FRMD3: variants seen among roughly 807,000 people sequenced by gnomAD.
FRMD3 encodes FERM domain containing 3.
A neutral mutation model predicts 70.2 loss-of-function variants in FRMD3; 33 were observed. That is an observed-to-expected ratio of 0.47 (90% CI 0.36 to 0.63). FRMD3 has a LOEUF of 0.63. FRMD3 is among the 20% of genes least tolerant of loss of function. The pLI is 0.00. For synonymous variants in FRMD3, 279 were observed against 255.9 expected, an observed-to-expected ratio of 1.09 and a Z score of -0.86; for missense variants, 632 against 711.4, an observed-to-expected ratio of 0.89 and a Z score of 1.27.
chr9:83,431,710 C>T (rs1269660241), intron 1 of FRMD3, among the ~76,000 whole-genome samples: 1 of 152,072 alleles, frequency 6.6e-6, no homozygotes, highest in Non-Finnish European at 1.5e-5. Context: ...ACCATGAGGC[C>T]CTTTTTAACT....
intron 1 of FRMD3, among the ~76,000 whole-genome samples, chr9:83,416,448 G>A (rs894629121): frequency 1.3e-5 from 2 of 152,110 alleles, no homozygotes; most frequent in Non-Finnish European, 2.9e-5. Context: ...TAATAACCTC[G>A]TATATTTATC....
At chr9:83,505,608 G>A (rs1434986983) in intron 1 of FRMD3, among the ~76,000 whole-genome samples, 1 of 152,138 alleles carries the variant, frequency 6.6e-6, no homozygotes, top group Non-Finnish European at 1.5e-5. Flanking sequence ...CTGGCCTGCA[G>A]GTTCAGCACA....
intron 1 of FRMD3, among the ~76,000 whole-genome samples, chr9:83,399,506 G>A (rs1056251317): frequency 1.6e-5 from 2 of 127,486 alleles, no homozygotes; most frequent in African/African-American, 5.7e-5. Context: ...TCTTCTTCTT[G>A]TTCCAGATTT....
Position 83,349,820 on chromosome 9 carries a change from C to G in FRMD3, c.296-63G>C. The stretch of plus-strand genomic sequence containing the variant: ...AAAAGACCATGGCCTCAAACACACA[C>G]GGGAAAGGCAGCCGTGCAGCCTGAC... On this transcript the variant is annotated intron_variant, in intron 3 of 13. Transcript: ENST00000304195. The G allele has an allele frequency of 3.9e-6, 5 of 1,266,800 alleles. No homozygotes were observed. The East Asian group carries it at 1.2e-4, about 31-fold the overall frequency. 78.5% of individuals were successfully genotyped at this position (1,266,800 alleles called of 1,614,324 possible).
At chr9:83,375,234 G>A (rs1367260051) in intron 2 of FRMD3, among the ~76,000 whole-genome samples, 1 of 152,178 alleles carries the variant, frequency 6.6e-6, no homozygotes, top group Non-Finnish European at 1.5e-5. Flanking sequence ...GAGGAGACAG[G>A]GAACATGTAA....
intron 2 of FRMD3, among the ~76,000 whole-genome samples, chr9:83,377,498 TG>T (rs142786553): frequency 0.013 from 1,939 of 152,242 alleles, 32 homozygotes; most frequent in African/African-American, 0.044. Context: ...TGGGGCCTGA[TG>T]GGGAGTGATT....
At position 83,267,971 on chromosome 9, in the gene FRMD3, A is replaced by G. The variant is rs532288915; in HGVS notation, c.1196-19455T>C. Among the ~76,000 whole-genome samples, 3 of 152,296 alleles carry G rather than the reference A, an allele frequency of 2.0e-5. No homozygotes were observed. The East Asian group carries it at 5.8e-4, about 29-fold the overall frequency. On this transcript the variant is annotated intron_variant, in intron 13 of 13. Transcript: ENST00000304195. ...TGCTAATCTTTTCTTCACTTTACAG[A>G]TAAGGAAACGACAACTTAGAGAGAG...
chr9:83,357,544 A>G (rs1824441969), intron 3 of FRMD3, among the ~76,000 whole-genome samples: 1 of 151,712 alleles, frequency 6.6e-6, no homozygotes, highest in African/African-American at 2.4e-5. Flanking sequence ...AACCCCACCA[A>G]TAGTGTAAAA....
At chr9:83,299,289 T>A (rs374621565) in intron 10 of FRMD3, 103 bp from the exon 11 acceptor site, 1 of 684,670 alleles carries the variant, frequency 1.5e-6, no homozygotes, top group African/African-American at 1.8e-5. Flanking sequence ...AAGAAAGAAA[T>A]GTAATTTACC....
At chr9:83,330,865 T>C (rs1254531581) in intron 6 of FRMD3, among the ~76,000 whole-genome samples, 1 of 152,216 alleles carries the variant, frequency 6.6e-6, no homozygotes, top group Admixed American at 6.5e-5. Context: ...CACATGATAT[T>C]AAAAGGCCCA....
chr9:83,369,297 C>T (rs925163073), intron 3 of FRMD3, among the ~76,000 whole-genome samples: 4 of 152,072 alleles, frequency 2.6e-5, no homozygotes, highest in Non-Finnish European at 5.9e-5. Flanking sequence ...CATTATAGGC[C>T]GGGCACAGTG....
chr9:83,342,429 A>C (rs1008544754), intron 5 of FRMD3, among the ~76,000 whole-genome samples: 6 of 152,200 alleles, frequency 3.9e-5, no homozygotes, highest in Admixed American at 2.0e-4. Flanking sequence ...TCACATGGCA[A>C]GGAAGGGAGG....
At chr9:83,266,307 G>A (rs567504719) in intron 13 of FRMD3, among the ~76,000 whole-genome samples, 89 of 152,234 alleles carry the variant, frequency 5.8e-4, no homozygotes, top group Non-Finnish European at 1.0e-3. Context: ...TCACTTAGAA[G>A]TCAGTTTCAC....
intron 1 of FRMD3, among the ~76,000 whole-genome samples, chr9:83,505,540 G>T (rs1452279673): frequency 6.6e-6 from 1 of 152,090 alleles, no homozygotes; most frequent in Non-Finnish European, 1.5e-5. Context: ...AGCCACCAAG[G>T]TCCTCCTAAC....
At chr9:83,479,659 G>A (rs200814027) in intron 1 of FRMD3, among the ~76,000 whole-genome samples, 23 of 47,622 alleles carry the variant, frequency 4.8e-4, no homozygotes, top group African/African-American at 9.5e-4. Flanking sequence ...AAGGAAGGAA[G>A]GAAGGAAGGA....
chr9:83,292,160 A>AGT (rs1563998482), intron 12 of FRMD3, among the ~76,000 whole-genome samples: 1 of 92,408 alleles, frequency 1.1e-5, no homozygotes, highest in African/African-American at 3.4e-5. Context: ...ATTAATAAAT[A>AGT]CTTTTTTTTT....
At chr9:83,412,135 A>C (rs1207545133) in intron 1 of FRMD3, among the ~76,000 whole-genome samples, 1 of 147,002 alleles carries the variant, frequency 6.8e-6, no homozygotes, top group East Asian at 2.0e-4. Context: ...CCTTCACTTA[A>C]ATATCAACAA....
intron 12 of FRMD3, 69 bp from the exon 13 acceptor site, chr9:83,290,796 C>G: frequency 1.3e-6 from 2 of 1,514,732 alleles, no homozygotes; most frequent in Admixed American, 2.1e-5. Flanking sequence ...TCTCAGCGGG[C>G]TGCCCAAGCT....
chr9:83,539,763 C>T (rs974341694), upstream of FRMD3, among the ~76,000 whole-genome samples: 2 of 152,206 alleles, frequency 1.3e-5, no homozygotes, highest in African/African-American at 4.8e-5. Flanking sequence ...ACAGGACAAA[C>T]TCAGTCTCAG....
Sources: gnomAD v4.1 joint callset for allele counts (sites outside exome capture counted in the v4.1 genomes callset) on GRCh38, gnomAD v4.1.1 for gene constraint, MANE v1.5 for transcripts, NCBI Gene and HGNC (gene_info 2026-07-23, HGNC 2026-07-21) for gene names.